The following CYP2C19 variants were observed in gnomAD, a reference collection of about 807,000 sequenced individuals.
The protein encoded by CYP2C19 is cytochrome P450 family 2 subfamily C member 19.
A neutral mutation model predicts 40.9 loss-of-function variants in CYP2C19; 59 were observed. The ratio of observed to expected loss-of-function variants is 1.44; its 90% CI spans 1.17 to 1.79. The LOEUF (loss-of-function observed/expected upper bound fraction) is 1.79, where lower values mean the gene tolerates loss of function less well. Among genes scored for constraint, CYP2C19 ranks in the 40% most tolerant of loss-of-function variants. The probability of loss-of-function intolerance (pLI) is 0.00; values close to 1 mark genes in which losing one functional copy is unlikely to be tolerated. For synonymous variants in CYP2C19, 253 were observed against 208.7 expected (o/e 1.21, Z -1.83); for missense variants, 754 against 596.9 (o/e 1.26, Z -2.74).
chr10:94,803,367 C>T lies in CYP2C19; in HGVS notation c.820-17129C>T, dbSNP rs148443479. 3.1e-3 allele frequency among the ~76,000 whole-genome samples: 472 copies of T among 152,172 alleles called. 3 individuals carry two copies. The highest frequency in any genetic ancestry group is 0.011 in the African/African-American group (445 of 41,500). ...GTGGGTAGTTTTATATCGGCCTGTG[C>T]AGTTTGACATACATGTCAGTAGATG... On this transcript the variant is annotated intron_variant, in intron 5 of 8. Coordinates refer to ENST00000371321, the MANE Select transcript of CYP2C19 (RefSeq NM_000769.4).
At position 94,774,971 on chromosome 10, in the gene CYP2C19, A is replaced by C. The variant is rs1848386177; in HGVS notation, c.169-87A>C. 3 of 1,400,826 alleles carry C rather than the reference A, an allele frequency of 2.1e-6. No homozygotes were observed. The Admixed American group carries it at 5.9e-5, about 27-fold the overall frequency. 86.8% of individuals were successfully genotyped at this position (1,400,826 alleles called of 1,614,324 possible). ...TGTGTGACTGAATAAAAGCATACAA[A>C]TACAATGAAAATATGAATCTAAGTC... On this transcript the variant is annotated intron_variant, in intron 1 of 8. Coordinates refer to ENST00000371321, the MANE Select transcript of CYP2C19 (RefSeq NM_000769.4).
chr10:94,781,442 C>A (rs2134240248), intron 4 of CYP2C19, among the ~76,000 whole-genome samples: 1 of 152,180 alleles, frequency 6.6e-6, no homozygotes, highest in Non-Finnish European at 1.5e-5. Flanking sequence ...TAGTATCAAT[C>A]AGGTTGTGCA....
chr10:94,787,659 A>G (rs1229013958), intron 5 of CYP2C19, among the ~76,000 whole-genome samples: 1 of 151,956 alleles, frequency 6.6e-6, no homozygotes. Flanking sequence ...ATCCATTTCG[A>G]GTTAATTTTT....
chr10:94,775,542 G>A lies in CYP2C19; in HGVS notation c.481+3G>A, dbSNP rs1259801750. On this transcript the variant is annotated splice_donor_region_variant and intron_variant, in intron 3 of 8. Transcript: ENST00000371321. ...GGAGGAGTTGAGAAAAACCAAGGGT[G>A]GGTGAACATACTCTCTATCACTGAC... The A allele has an allele frequency of 1.2e-6, 2 of 1,613,876 alleles. No homozygotes were observed. The highest frequency in any genetic ancestry group is 1.7e-6 in the Non-Finnish European group (2 of 1,179,856).
intron 5 of CYP2C19, among the ~76,000 whole-genome samples, chr10:94,807,003 A>G (rs1420003899): frequency 1.3e-5 from 2 of 152,132 alleles, no homozygotes; most frequent in Non-Finnish European, 2.9e-5. Context: ...TCTCTTTTGT[A>G]TAGCTGAAGT....
chr10:94,849,017 C>G (rs1298417136), intron 7 of CYP2C19, among the ~76,000 whole-genome samples: 1 of 152,180 alleles, frequency 6.6e-6, no homozygotes, highest in Admixed American at 6.5e-5. Flanking sequence ...ATCATGTCAT[C>G]TGCAAACAGG....
intron 6 of CYP2C19, 93 bp from the exon 7 acceptor site, chr10:94,842,744 G>C (rs1208872831): frequency 6.7e-6 from 9 of 1,336,810 alleles, no homozygotes; most frequent in African/African-American, 1.4e-5. Context: ...ATGATGTTTG[G>C]ATACCTTCAT....
chr10:94,799,784 A>G (rs934141243), intron 5 of CYP2C19, among the ~76,000 whole-genome samples: 1 of 151,714 alleles, frequency 6.6e-6, no homozygotes, highest in Non-Finnish European at 1.5e-5. Flanking sequence ...CCTTTCTTCC[A>G]CTTGGTTTTA....
rs1848295880 is a variant in CYP2C19, at chr10:94,769,381, A to G, written c.169-5677A>G. On this transcript the variant is annotated intron_variant, in intron 1 of 8. Coordinates refer to ENST00000371321, the MANE Select transcript of CYP2C19 (RefSeq NM_000769.4). ...GGCAAGACTGTCCACATAAGTTGGGACGTGTGGTCTGAGGGATCCTCAAAG... is the reference window on the plus strand; with the variant it reads ...GGCAAGACTGTCCACATAAGTTGGGGCGTGTGGTCTGAGGGATCCTCAAAG... Among the ~76,000 whole-genome samples the G allele has an allele frequency of 1.3e-5, 2 of 152,126 alleles. 1 individual carries two copies. The highest frequency in any genetic ancestry group is 4.1e-4 in the South Asian group (2 of 4,832).
At chr10:94,818,931 T>C (rs1190217334) in intron 5 of CYP2C19, among the ~76,000 whole-genome samples, 6 of 152,226 alleles carry the variant, frequency 3.9e-5, no homozygotes, top group African/African-American at 1.4e-4. Flanking sequence ...ATCAACAGAA[T>C]ATACATTTTT....
intron 7 of CYP2C19, 108 bp from the exon 8 acceptor site, chr10:94,849,809 G>A (rs567119983): frequency 7.5e-7 from 1 of 1,329,500 alleles, no homozygotes; most frequent in African/African-American, 1.5e-5. Flanking sequence ...TCTTTGGAAT[G>A]GTGTTTCATC....
intron 7 of CYP2C19, among the ~76,000 whole-genome samples, chr10:94,846,005 T>G (rs977595510): frequency 6.6e-6 from 1 of 152,146 alleles, no homozygotes; most frequent in Non-Finnish European, 1.5e-5. Context: ...GGTTTTCTCC[T>G]ATATAATAAT....
intron 6 of CYP2C19, among the ~76,000 whole-genome samples, chr10:94,838,379 T>A (rs1327786918): frequency 6.6e-6 from 1 of 152,210 alleles, no homozygotes; most frequent in Non-Finnish European, 1.5e-5. Context: ...GGTTAGTGTC[T>A]GATTTAGCAG....
chr10:94,767,135 A>T (rs981559969), intron 1 of CYP2C19, among the ~76,000 whole-genome samples: 3 of 152,132 alleles, frequency 2.0e-5, no homozygotes, highest in Non-Finnish European at 4.4e-5. Flanking sequence ...CCATTTTGTG[A>T]GAATTTCGGA....
intron 8 of CYP2C19, among the ~76,000 whole-genome samples, chr10:94,851,672 T>C (rs1006961202): frequency 2.6e-5 from 4 of 152,034 alleles, no homozygotes; most frequent in African/African-American, 9.7e-5. Flanking sequence ...TGTTCCTTAT[T>C]GATAATACCC....
chr10:94,767,687 G>T (rs943101353), intron 1 of CYP2C19, among the ~76,000 whole-genome samples: 1 of 152,148 alleles, frequency 6.6e-6, no homozygotes, highest in Non-Finnish European at 1.5e-5. Flanking sequence ...TAGGGATTTG[G>T]CCATTTGATG....
chr10:94,799,396 T>C (rs927090337), intron 5 of CYP2C19, among the ~76,000 whole-genome samples: 6 of 152,208 alleles, frequency 3.9e-5, no homozygotes, highest in African/African-American at 1.2e-4. Flanking sequence ...GGGTTTCCCT[T>C]TGTGGGTAAC....
intron 6 of CYP2C19, among the ~76,000 whole-genome samples, chr10:94,833,993 A>G (rs561538064): frequency 1.3e-5 from 2 of 152,252 alleles, no homozygotes; most frequent in South Asian, 4.1e-4. Flanking sequence ...TGATTTTGGT[A>G]TCAGGGTAAT....
rs1359362912 is a variant in CYP2C19, at chr10:94,775,059, T to C, written c.170T>C (p.Leu57Pro). Reference protein sequence around the residue: ...IKDVSKSLTNLSKIYGPVFTL... With the variant: ...IKDVSKSLTNPSKIYGPVFTL... Reference sequence around the variant, plus strand: ...TGTTAACTGTATCTCCTTTTCTAGCTCTCAAAAATCTATGGCCCTGTGTTC... The same window carrying C: ...TGTTAACTGTATCTCCTTTTCTAGCCCTCAAAAATCTATGGCCCTGTGTTC... The change falls in exon 2 of 9, where the codon CTC becomes CCC. Residue 57 changes from leucine to proline, a missense_variant and splice_region_variant. By Grantham distance (98) the Leu-to-Pro change is moderately conservative (BLOSUM62 -3). Transcript: ENST00000371321. The C allele has an allele frequency of 1.6e-5, 26 of 1,614,004 alleles. No homozygotes were observed. The highest frequency in any genetic ancestry group is 2.1e-5 in the Non-Finnish European group (25 of 1,179,948).
Sources: gnomAD v4.1 joint callset for allele counts (sites outside exome capture counted in the v4.1 genomes callset) on GRCh38, gnomAD v4.1.1 for gene constraint, MANE v1.5 for transcripts, NCBI Gene and HGNC (gene_info 2026-07-23, HGNC 2026-07-21) for gene names.